Variants in SRPK2 observed in about 807,000 individuals in gnomAD.
The protein encoded by SRPK2 is SRSF protein kinase 2, also known as SFRS protein kinase 2.
Under a neutral mutation model 90.8 loss-of-function variants are expected in SRPK2, and 21 were observed. That is an observed-to-expected ratio of 0.23 (90% CI 0.16 to 0.33). SRPK2 has a LOEUF of 0.33. Ranked by LOEUF, SRPK2 falls within the 10% of genes least tolerant of loss-of-function variation. The probability of loss-of-function intolerance (pLI) is 1.00; values close to 1 mark genes in which losing one functional copy is unlikely to be tolerated. For missense variants in SRPK2, 620 were observed against 869.0 expected, an observed-to-expected ratio of 0.71 and a Z score of 3.60; for synonymous variants, 288 against 311.1, an observed-to-expected ratio of 0.93 and a Z score of 0.78.
At chr7:105,190,203 G>A (rs1794105973) in intron 3 of SRPK2, among the ~76,000 whole-genome samples, 1 of 152,238 alleles carries the variant, frequency 6.6e-6, no homozygotes, top group Non-Finnish European at 1.5e-5. Context: ...GGGCTGACAA[G>A]TGAGGACAAG....
chr7:105,141,928 G>C, intron 11 of SRPK2, 80 bp downstream of exon 11: 1 of 1,509,314 alleles, frequency 6.6e-7, no homozygotes, highest in Non-Finnish European at 8.9e-7. Flanking sequence ...GCCACTTCCA[G>C]CCAATTCCTT....
At chr7:105,319,509 G>GGGGGC (rs1812677622) in intron 2 of SRPK2, among the ~76,000 whole-genome samples, 1 of 120,736 alleles carries the variant, frequency 8.3e-6, no homozygotes, top group Non-Finnish European at 1.8e-5. Flanking sequence ...TGCGGCGGGG[G>GGGGGC]GGGGGGGGGC....
At chr7:105,131,690 G>A (rs2129574826) in intron 13 of SRPK2, among the ~76,000 whole-genome samples, 1 of 152,188 alleles carries the variant, frequency 6.6e-6, no homozygotes, top group African/African-American at 2.4e-5. Flanking sequence ...GTAAAACACA[G>A]TAAATTCAAG....
chr7:105,155,565 T>C (rs1213485415), intron 7 of SRPK2, among the ~76,000 whole-genome samples: 1 of 152,184 alleles, frequency 6.6e-6, no homozygotes, highest in African/African-American at 2.4e-5. Flanking sequence ...GAGGGGTAGA[T>C]GCCAGGGACG....
At chr7:105,390,607 GTTTT>G (rs869259356), upstream of SRPK2, among the ~76,000 whole-genome samples, 19 of 109,046 alleles carry the variant, frequency 1.7e-4, no homozygotes, top group African/African-American at 7.0e-4. Context: ...TTTTGTTTTT[GTTTT>G]TTTTTTTTTT....
intron 5 of SRPK2, among the ~76,000 whole-genome samples, 195 bp from the exon 6 acceptor site, chr7:105,167,659 G>C (rs1042136362): frequency 1.1e-4 from 17 of 151,920 alleles, no homozygotes; most frequent in African/African-American, 4.1e-4. Flanking sequence ...CGCCCAGTCT[G>C]GAGTGCAGTG....
chr7:105,245,235 G>A (rs1801481836), intron 2 of SRPK2, among the ~76,000 whole-genome samples: 1 of 152,224 alleles, frequency 6.6e-6, no homozygotes, highest in Non-Finnish European at 1.5e-5. Flanking sequence ...GAGAAGCACT[G>A]AGTCTCAGTA....
At chr7:105,212,300 C>A (rs907401928) in intron 2 of SRPK2, among the ~76,000 whole-genome samples, 2 of 152,180 alleles carry the variant, frequency 1.3e-5, no homozygotes, top group East Asian at 3.8e-4. Flanking sequence ...ATGCCCAGCA[C>A]TGAGGGGTGT....
At chr7:105,328,363 A>C (rs1813844342) in intron 2 of SRPK2, among the ~76,000 whole-genome samples, 1 of 149,416 alleles carries the variant, frequency 6.7e-6, no homozygotes, top group South Asian at 2.1e-4. Flanking sequence ...AGAGTTTGAG[A>C]CCAGCCTGGC....
In SRPK2 at chr7:105,321,098, G is replaced by A. The variant is rs535637569; in HGVS notation, c.71+67550C>T. On this transcript the variant is annotated intron_variant, in intron 2 of 15. Coordinates refer to ENST00000393651, the MANE Select transcript of SRPK2 (RefSeq NM_182692.3). ...TCTTCCCACCTCAGCCTCCCAAAGC[G>A]CTGGGATTGCAGATGTGAGTCACTG... Among the ~76,000 whole-genome samples, 9 of 152,230 alleles carry A rather than the reference G, an allele frequency of 5.9e-5. No homozygotes were observed. The East Asian group carries it at 1.2e-3, about 20-fold the overall frequency.
intron 2 of SRPK2, among the ~76,000 whole-genome samples, chr7:105,275,068 A>G (rs1806311836): frequency 6.6e-6 from 1 of 151,994 alleles, no homozygotes; most frequent in Admixed American, 6.5e-5. Flanking sequence ...TTGTATTTTT[A>G]GTAGAGACGG....
rs140151965 is a variant in SRPK2 at position 105,142,426 on chromosome 7, A to G, written c.1125T>C (p.Asp375=). 1.4e-4 allele frequency: 222 copies of G among 1,613,478 alleles called. 1 individual carries two copies. The African/African-American group carries it at 2.6e-3, about 19-fold the overall frequency. ...TGTTCGCAAGTTCCTGATCTACATC[A>G]TCTTCATCTTTTTCAATGTTTTCTT... The part of the protein sequence containing the change: ...AEKENIEKDE[D]DVDQELANID... The change falls in exon 11 of 16, where the codon GAT becomes GAC. Residue 375 remains aspartate (D), a synonymous_variant. Transcript: ENST00000393651.
chr7:105,361,323 G>T (rs1233429541), intron 2 of SRPK2, among the ~76,000 whole-genome samples: 1 of 152,170 alleles, frequency 6.6e-6, no homozygotes, highest in Non-Finnish European at 1.5e-5. Flanking sequence ...TGAAATAAAA[G>T]AGGACACAAA....
rs116319801 is a variant in SRPK2 at position 105,178,232 on chromosome 7, T to C, written c.230-8967A>G. ...AAACACTAATAATAATAATACTAAA[T>C]ATAAAAAAAGCATCAAGACTAAGGA... On this transcript the variant is annotated intron_variant, in intron 3 of 15. Transcript: ENST00000393651. 2.3e-3 allele frequency among the ~76,000 whole-genome samples: 348 copies of C among 151,886 alleles called. 3 individuals are homozygous for C. The highest frequency in any genetic ancestry group is 8.1e-3 in the African/African-American group (334 of 41,408).
chr7:105,283,757 G>A (rs377672460), intron 2 of SRPK2, among the ~76,000 whole-genome samples: 3 of 152,178 alleles, frequency 2.0e-5, no homozygotes, highest in East Asian at 1.9e-4. Context: ...GATTAAAACC[G>A]AGGCAGGCAA....
chr7:105,203,562 C>T lies in SRPK2; in HGVS notation c.229+66G>A, dbSNP rs558471030. On this transcript the variant is annotated intron_variant, in intron 3 of 15. Transcript: ENST00000393651. ...ACTACCTCCTCCCCTTGTCCATTCC[C>T]CCAACAAATTACTACACAGCCCAAT... 2.3e-5 allele frequency: 32 copies of T among 1,388,758 alleles called. No individual in the cohort carries two copies. In the East Asian group the frequency reaches 7.9e-4, roughly 34 times the overall value. 86.0% of individuals were successfully genotyped at this position (1,388,758 alleles called of 1,614,324 possible).
chr7:105,178,742 G>GAAGCTGCA (rs1792339095), intron 3 of SRPK2, among the ~76,000 whole-genome samples: 3 of 152,182 alleles, frequency 2.0e-5, no homozygotes, highest in Admixed American at 6.5e-5. Flanking sequence ...CCAGGAGGTC[G>GAAGCTGCA]AAGCTGCAAT....
At chr7:105,396,734 AG>A (rs1822333490) in intron 1 of SRPK2, among the ~76,000 whole-genome samples, 1 of 141,128 alleles carries the variant, frequency 7.1e-6, no homozygotes, top group Admixed American at 7.0e-5. Context: ...GAGAAGGAAG[AG>A]GAGGAGGAGG....
intron 3 of SRPK2, among the ~76,000 whole-genome samples, chr7:105,186,931 G>A (rs1465282489): frequency 6.6e-6 from 1 of 152,158 alleles, no homozygotes; most frequent in Non-Finnish European, 1.5e-5. Flanking sequence ...TATCTTTCTA[G>A]CCCAGGGGCC....
Sources: gnomAD v4.1 joint callset for allele counts (sites outside exome capture counted in the v4.1 genomes callset) on GRCh38, gnomAD v4.1.1 for gene constraint, MANE v1.5 for transcripts, NCBI Gene and HGNC (gene_info 2026-07-23, HGNC 2026-07-21) for gene names.